Variants in MSANTD5 observed in about 807,000 individuals in gnomAD.
The protein encoded by MSANTD5 is Myb/SANT DNA binding domain containing 5.
chr5:178,692,260 A>G (rs13165371), downstream of MSANTD5, among the ~76,000 whole-genome samples: 1,779 of 85,890 alleles, frequency 0.021, 308 homozygotes, highest in East Asian at 0.036. Flanking sequence ...GGCGCCTGTA[A>G]TCCCAGCTAT....
chr5:178,697,354 T>C (rs1765428111), intron 1 of MSANTD5, among the ~76,000 whole-genome samples: 2 of 152,038 alleles, frequency 1.3e-5, no homozygotes, highest in South Asian at 4.1e-4. Flanking sequence ...CTCGGGAGGC[T>C]GAGGCAGGAG....
chr5:178,702,012 C>T (rs928597554), upstream of MSANTD5, among the ~76,000 whole-genome samples: 4 of 150,218 alleles, frequency 2.7e-5, no homozygotes, highest in Admixed American at 6.6e-5. Flanking sequence ...GGATTACAGG[C>T]GTGAGCCACC....
downstream of MSANTD5, among the ~76,000 whole-genome samples, chr5:178,693,221 G>C (rs1307899851): frequency 6.6e-6 from 1 of 151,984 alleles, no homozygotes; most frequent in African/African-American, 2.4e-5. Flanking sequence ...GCTGAGGCAG[G>C]AGAATTGCTT....
downstream of MSANTD5, among the ~76,000 whole-genome samples, chr5:178,693,031 C>T (rs1221792025): frequency 7.9e-5 from 12 of 151,962 alleles, no homozygotes. Flanking sequence ...AGACCACGGG[C>T]TGGGTTCGTA....
downstream of MSANTD5, among the ~76,000 whole-genome samples, chr5:178,692,290 G>C (rs929544246): frequency 6.7e-6 from 1 of 150,106 alleles, no homozygotes; most frequent in African/African-American, 2.5e-5. Context: ...TGAGGCAGGA[G>C]AGTTGCTTGA....
chr5:178,696,398 G>GT (rs1334064238), intron 1 of MSANTD5, among the ~76,000 whole-genome samples: 1 of 151,912 alleles, frequency 6.6e-6, no homozygotes, highest in African/African-American at 2.4e-5. Flanking sequence ...AATATTTGGT[G>GT]TTTTTTTAGT....
upstream of MSANTD5, among the ~76,000 whole-genome samples, chr5:178,697,913 A>G (rs1765436480): frequency 6.6e-6 from 1 of 152,200 alleles, no homozygotes; most frequent in South Asian, 2.1e-4. Flanking sequence ...AATTTGATTG[A>G]ATAACTGCAA....
chr5:178,694,315 C>CAAAAAAAAAAAAAAAAAA (rs56778816), downstream of MSANTD5, among the ~76,000 whole-genome samples: 1 of 61,552 alleles, frequency 1.6e-5, no homozygotes, highest in African/African-American at 6.1e-5. Context: ...GACTCCATCT[C>CAAAAAAAAAAAAAAAAAA]AAAAAAAAAA....
downstream of MSANTD5, among the ~76,000 whole-genome samples, chr5:178,692,611 G>C (rs1323838363): frequency 6.6e-6 from 1 of 151,896 alleles, no homozygotes; most frequent in African/African-American, 2.4e-5. Context: ...GCAAGAAAAA[G>C]GAATTAACAA....
At chr5:178,693,503 C>A (rs1765377938), downstream of MSANTD5, among the ~76,000 whole-genome samples, 1 of 151,964 alleles carries the variant, frequency 6.6e-6, no homozygotes, top group Non-Finnish European at 1.5e-5. Context: ...CTGACTTCAA[C>A]AATGAAGCCA....
the MSANTD5 span, chr5:178,706,835 C>T: frequency 6.6e-6 from 1 of 152,120 alleles, no homozygotes. Context: ...ATTCCTGGAG[C>T]TAATGGCAGT....
downstream of MSANTD5, among the ~76,000 whole-genome samples, chr5:178,691,842 T>C (rs1765360217): frequency 7.4e-6 from 1 of 135,748 alleles, no homozygotes; most frequent in Non-Finnish European, 1.7e-5. Flanking sequence ...TAAGTAGATA[T>C]CACCGCTTTG....
chr5:178,706,483 A>T, the MSANTD5 span, among the ~76,000 whole-genome samples: 1 of 151,668 alleles, frequency 6.6e-6, no homozygotes, highest in Non-Finnish European at 1.5e-5. Context: ...ATCTGTCAGT[A>T]CTCGTGTGTC....
At chr5:178,696,060 T>G (rs2113853208) in intron 2 of MSANTD5, 37 bp downstream of exon 2, 1 of 152,220 alleles carries the variant, frequency 6.6e-6, no homozygotes, top group Non-Finnish European at 1.5e-5. Context: ...GCTGGAAAAT[T>G]TTCTCTACTA....
chr5:178,697,249 T>G (rs1201927383), intron 1 of MSANTD5, among the ~76,000 whole-genome samples: 1 of 150,452 alleles, frequency 6.6e-6, no homozygotes, highest in African/African-American at 2.4e-5. Flanking sequence ...GGTCAGGAGA[T>G]CGAGACCATC....
intron 1 of MSANTD5, among the ~76,000 whole-genome samples, chr5:178,697,339 A>T (rs1259150176): frequency 4.0e-5 from 6 of 151,888 alleles, no homozygotes; most frequent in Non-Finnish European, 5.9e-5. Context: ...CTGTAGTCCC[A>T]GCTACTCGGG....
At chr5:178,707,242 G>A in the MSANTD5 span, 4 of 152,082 alleles carry the variant, frequency 2.6e-5, no homozygotes, top group African/African-American at 9.7e-5. Context: ...AATCACAAAA[G>A]TCCTTTAACT....
chr5:178,692,158 C>T (rs1765363271), downstream of MSANTD5, among the ~76,000 whole-genome samples: 4 of 132,670 alleles, frequency 3.0e-5, 2 homozygotes, highest in Non-Finnish European at 3.4e-5. Context: ...GGTGGGTGGA[C>T]CACCTGAGCT....
downstream of MSANTD5, among the ~76,000 whole-genome samples, chr5:178,694,174 G>A (rs368099539): frequency 3.7e-3 from 554 of 151,770 alleles, 5 homozygotes; most frequent in African/African-American, 0.013. Context: ...AAAATTAGCT[G>A]GGCATGGTGG....
Sources: gnomAD v4.1 joint callset for allele counts (sites outside exome capture counted in the v4.1 genomes callset) on GRCh38, gnomAD v4.1.1 for gene constraint, MANE v1.5 for transcripts, NCBI Gene and HGNC (gene_info 2026-07-23, HGNC 2026-07-21) for gene names.